The following DAW1 variants were observed in gnomAD, a reference collection of about 807,000 sequenced individuals.
DAW1 encodes the protein dynein assembly factor with WD repeat domains 1.
A neutral mutation model predicts 56.5 loss-of-function variants in DAW1; 47 were observed. That is an observed-to-expected ratio of 0.83 (90% confidence interval 0.66 to 1.06). The LOEUF (loss-of-function observed/expected upper bound fraction) is 1.06, where lower values mean the gene tolerates loss of function less well. Ranked by LOEUF, DAW1 falls within the 50% of genes least tolerant of loss-of-function variation. DAW1 has a pLI of 0.00. For missense variants in DAW1, 505 were observed against 499.3 expected, an observed-to-expected ratio of 1.01 and a Z score of -0.11; for synonymous variants, 190 against 179.0, an observed-to-expected ratio of 1.06 and a Z score of -0.49.
chr2:227,879,590 G>A (rs1022155425), intron 1 of DAW1, among the ~76,000 whole-genome samples: 8 of 151,682 alleles, frequency 5.3e-5, no homozygotes, highest in Admixed American at 5.3e-4. Context: ...TGTATTTCAT[G>A]TACTTACAAA....
Position 227,871,649 on chromosome 2 carries a change from A to C in DAW1, c.-41A>C, listed in dbSNP as rs753087018. On this transcript the variant is annotated 5_prime_UTR_variant, in exon 1 of 13. Coordinates refer to ENST00000309931, the MANE Select transcript of DAW1 (RefSeq NM_178821.3). ...TCCCGCTGCTGTTTAGCCGTTTCCA[A>C]GGCTACGAAGCCCATCGGCCGGGGA... 6.2e-7 allele frequency: 1 copy of C among 1,607,604 alleles called. No homozygotes were observed. Among genetic ancestry groups the C allele is most frequent in the Non-Finnish European group, 8.5e-7 (1 of 1,176,978 alleles).
intron 10 of DAW1, chr2:227,912,421 C>G (rs1175587905): frequency 7.7e-7 from 1 of 1,304,780 alleles, no homozygotes; most frequent in Non-Finnish European, 1.0e-6. Context: ...TCTTTGATCA[C>G]TGGACGTGAT....
At position 227,918,771 on chromosome 2, in the gene DAW1, C is replaced by G; in HGVS notation, c.974-9C>G. ...TGAATTTATATATATCCCCACCCCT[C>G]TCAAAAAGGAACAGCAAGAATTTTC... On this transcript the variant is annotated splice_polypyrimidine_tract_variant and intron_variant, in intron 10 of 12. Coordinates refer to ENST00000309931, the MANE Select transcript of DAW1 (RefSeq NM_178821.3). 6.2e-7 allele frequency: 1 copy of G among 1,613,964 alleles called. No homozygotes were observed. The highest frequency in any genetic ancestry group is 8.5e-7 in the Non-Finnish European group (1 of 1,179,962).
intron 11 of DAW1, among the ~76,000 whole-genome samples, chr2:227,920,678 T>C (rs980926823): frequency 1.4e-3 from 207 of 152,108 alleles, no homozygotes; most frequent in African/African-American, 4.6e-3. Flanking sequence ...TTATTTTTAT[T>C]TTTTATTATT....
chr2:227,921,331 T>C, intron 11 of DAW1, 68 bp from the exon 12 acceptor site: 3 of 295,578 alleles, frequency 1.0e-5, no homozygotes, highest in Non-Finnish European at 1.6e-5. Context: ...TTTTTTTTTT[T>C]TTGCTGATAA....
At chr2:227,918,544 T>C (rs1396908753) in intron 10 of DAW1, among the ~76,000 whole-genome samples, 1 of 152,186 alleles carries the variant, frequency 6.6e-6, no homozygotes, top group East Asian at 1.9e-4. Flanking sequence ...TACCTTGGAA[T>C]ACATTATTTC....
chr2:227,891,292 C>A lies in DAW1; in HGVS notation c.296C>A (p.Ala99Glu), dbSNP rs199698228. The change falls in exon 4 of 13, where the codon GCA (alanine) becomes GAA (glutamate). Residue 99 changes from alanine to glutamate, a missense_variant. Transcript: ENST00000309931. The stretch of plus-strand genomic sequence containing the variant: ...CATATATTGCCACTGACTAATGTTG[C>A]ACTTAACAAATCGGGCTCATGGTAA... ...KAHILPLTNVALNKSGSCFIT... is the reference protein window; with the variant it reads ...KAHILPLTNVELNKSGSCFIT... The A allele has an allele frequency of 6.2e-7, 1 of 1,613,510 alleles. No individual in the cohort carries two copies. The highest frequency in any genetic ancestry group is 1.1e-5 in the South Asian group (1 of 90,852).
At position 227,894,168 on chromosome 2, in the gene DAW1, G is replaced by A. The variant is rs910853395; in HGVS notation, c.440+251G>A. 2.6e-5 allele frequency among the ~76,000 whole-genome samples: 4 copies of A among 152,090 alleles called. No individual in the cohort carries two copies. In the East Asian group the frequency reaches 5.8e-4, roughly 22 times the overall value. ...TGTAATCCTAGCACTCTGGGAGGCCGAGGCGGTGGATCACTTGAGCTCAGG... is the reference window on the plus strand; with the variant it reads ...TGTAATCCTAGCACTCTGGGAGGCCAAGGCGGTGGATCACTTGAGCTCAGG... On this transcript the variant is annotated intron_variant, in intron 5 of 12. Coordinates refer to ENST00000309931, the MANE Select transcript of DAW1 (RefSeq NM_178821.3).
At chr2:227,905,248 A>G (rs940198938) in intron 8 of DAW1, among the ~76,000 whole-genome samples, 5 of 152,236 alleles carry the variant, frequency 3.3e-5, no homozygotes, top group African/African-American at 1.2e-4. Flanking sequence ...AATGACAAAC[A>G]GCAACATAAA....
intron 10 of DAW1, among the ~76,000 whole-genome samples, chr2:227,916,701 T>C (rs1049853790): frequency 6.6e-6 from 1 of 152,110 alleles, no homozygotes; most frequent in Non-Finnish European, 1.5e-5. Context: ...ACCTGTGAAG[T>C]CTCCATTATT....
At chr2:227,903,144 G>T in intron 7 of DAW1, 35 bp downstream of exon 7, 1 of 1,595,612 alleles carries the variant, frequency 6.3e-7, no homozygotes, top group East Asian at 2.2e-5. Context: ...TGTTATTTGT[G>T]TTCATTCTTA....
chr2:227,903,744 A>G (rs914471208), intron 7 of DAW1, among the ~76,000 whole-genome samples: 1 of 149,516 alleles, frequency 6.7e-6, no homozygotes, highest in African/African-American at 2.5e-5. Flanking sequence ...GAGTGACCCT[A>G]TGTTGTAATC....
chr2:227,880,426 C>T (rs962192912), intron 1 of DAW1, among the ~76,000 whole-genome samples: 1 of 149,708 alleles, frequency 6.7e-6, no homozygotes, highest in African/African-American at 2.5e-5. Flanking sequence ...CTGGTTGGCT[C>T]TCCACAGAAT....
At chr2:227,917,142 A>ATCTATCTC (rs1162712241) in intron 10 of DAW1, among the ~76,000 whole-genome samples, 2 of 138,462 alleles carry the variant, frequency 1.4e-5, no homozygotes, top group Non-Finnish European at 1.5e-5. Flanking sequence ...CTATCTATCT[A>ATCTATCTC]TCTGTCTGTC....
At chr2:227,903,850 T>C (rs1177790263) in intron 7 of DAW1, among the ~76,000 whole-genome samples, 1 of 152,184 alleles carries the variant, frequency 6.6e-6, no homozygotes, top group Non-Finnish European at 1.5e-5. Context: ...GAAAGCTTTT[T>C]CTAAGCAAGT....
chr2:227,892,131 T>A (rs1574654935), intron 4 of DAW1, among the ~76,000 whole-genome samples: 2 of 148,218 alleles, frequency 1.3e-5, no homozygotes, highest in East Asian at 3.9e-4. Flanking sequence ...TCATCCTAAC[T>A]TAATAATTTT....
chr2:227,872,200 C>A (rs957672525), intron 1 of DAW1: 8 of 148,462 alleles, frequency 5.4e-5, no homozygotes, highest in Admixed American at 1.4e-4. Context: ...GATCACCCAG[C>A]TTCTTAGGGA....
intron 5 of DAW1, among the ~76,000 whole-genome samples, chr2:227,895,758 A>G (rs1224706748): frequency 6.6e-6 from 1 of 152,214 alleles, no homozygotes; most frequent in African/African-American, 2.4e-5. Flanking sequence ...CCAAGTTGCC[A>G]TCAAGGATTT....
At chr2:227,918,175 C>CCATCCATCCATCCATCCATCCATCCAT in intron 10 of DAW1, among the ~76,000 whole-genome samples, 1 of 50,636 alleles carries the variant, frequency 2.0e-5, no homozygotes, top group African/African-American at 7.4e-5. Context: ...CATCCATCAT[C>CCATCCATCCATCCATCCATCCATCCAT]CATCCATCCA....
Sources: allele counts gnomAD v4.1 joint callset (sites outside exome capture counted in the v4.1 genomes callset), GRCh38; gene constraint gnomAD v4.1.1; transcripts MANE v1.5; gene names NCBI Gene and HGNC (gene_info 2026-07-23, HGNC 2026-07-21).